ATRNL1: variants seen among roughly 807,000 people sequenced by gnomAD.
ATRNL1 encodes the protein attractin like 1, also known as attractin-like protein 1.
A neutral mutation model predicts 182.7 loss-of-function variants in ATRNL1; 95 were observed. The observed-to-expected ratio is 0.52, with a 90% CI of 0.44 to 0.62. The LOEUF (loss-of-function observed/expected upper bound fraction) is 0.62, where lower values mean the gene tolerates loss of function less well. Ranked by LOEUF, ATRNL1 falls within the 20% of genes least tolerant of loss-of-function variation. ATRNL1 has a pLI of 0.00. For missense variants in ATRNL1, 1,471 were observed against 1,679.5 expected, an observed-to-expected ratio of 0.88 and a Z score of 2.17; for synonymous variants, 576 against 568.3, an observed-to-expected ratio of 1.01 and a Z score of -0.19.
At chr10:115,418,849 G>C (rs1554961360) in intron 20 of ATRNL1, among the ~76,000 whole-genome samples, 1 of 152,076 alleles carries the variant, frequency 6.6e-6, no homozygotes, top group Non-Finnish European at 1.5e-5. Context: ...AGGCAGAAAA[G>C]GTGTATTTTA....
intron 24 of ATRNL1, among the ~76,000 whole-genome samples, chr10:115,471,552 T>A (rs1372255566): frequency 2.0e-5 from 3 of 151,082 alleles, no homozygotes; most frequent in African/African-American, 7.3e-5. Flanking sequence ...AGCTATGAGG[T>A]GATATCTTAT....
intron 26 of ATRNL1, among the ~76,000 whole-genome samples, chr10:115,608,562 G>A (rs1360068438): frequency 6.6e-6 from 1 of 152,012 alleles, no homozygotes; most frequent in African/African-American, 2.4e-5. Context: ...CTAAAAGTAT[G>A]CATTCATAGT....
intron 27 of ATRNL1, among the ~76,000 whole-genome samples, chr10:115,757,835 A>G (rs141007272): frequency 9.2e-4 from 140 of 151,716 alleles, no homozygotes; most frequent in Non-Finnish European, 1.5e-3. Flanking sequence ...ATAGTCCCAT[A>G]TTTCTTGGAG....
chr10:115,852,307 G>A (rs1251397171), intron 28 of ATRNL1, among the ~76,000 whole-genome samples: 1 of 152,074 alleles, frequency 6.6e-6, no homozygotes, highest in Non-Finnish European at 1.5e-5. Flanking sequence ...TTAGAAGTTT[G>A]GGCAGAATGA....
At chr10:115,445,552 T>G (rs1477534693) in intron 21 of ATRNL1, among the ~76,000 whole-genome samples, 1 of 140,696 alleles carries the variant, frequency 7.1e-6, no homozygotes, top group East Asian at 2.2e-4. Context: ...TGTGTGTGTG[T>G]ACACTTACCT....
Position 115,530,208 on chromosome 10 carries a change from A to T in ATRNL1, c.3716+10884A>T, listed in dbSNP as rs144671765. On this transcript the variant is annotated intron_variant, in intron 25 of 28. Transcript: ENST00000355044. ...CATTTGTGTGTAAGTTTTTATGTGGATATATATTTTCATTTCTCTTAAGTA... is the reference window on the plus strand; with the variant it reads ...CATTTGTGTGTAAGTTTTTATGTGGTTATATATTTTCATTTCTCTTAAGTA... 4.7e-3 allele frequency among the ~76,000 whole-genome samples: 714 copies of T among 152,216 alleles called. 6 individuals carry two copies. Among genetic ancestry groups the T allele is most frequent in the African/African-American group, 0.015 (637 of 41,534 alleles).
At chr10:115,721,795 TATTTTAATC>T (rs1345038253) in intron 26 of ATRNL1, among the ~76,000 whole-genome samples, 3 of 152,322 alleles carry the variant, frequency 2.0e-5, no homozygotes, top group African/African-American at 7.2e-5. Flanking sequence ...TTGAAATCTA[TATTTTAATC>T]AAAGATCCAG....
chr10:115,259,380 T>TGCTA (rs58968661), intron 10 of ATRNL1, among the ~76,000 whole-genome samples: 8,274 of 152,198 alleles, frequency 0.054, 758 homozygotes, highest in African/African-American at 0.19. Flanking sequence ...CAGACTGCCG[T>TGCTA]GCTAGCAGTG....
chr10:115,140,501 A>C (rs1438505489), intron 5 of ATRNL1, among the ~76,000 whole-genome samples: 4 of 152,312 alleles, frequency 2.6e-5, no homozygotes, highest in East Asian at 3.9e-4. Context: ...TTCAGCATAC[A>C]ATTTTTTCTT....
intron 27 of ATRNL1, among the ~76,000 whole-genome samples, chr10:115,798,391 C>G (rs1375412656): frequency 1.3e-5 from 2 of 152,176 alleles, no homozygotes; most frequent in African/African-American, 2.4e-5. Context: ...TCTCTGCTCC[C>G]CATACCACTG....
At position 115,587,247 on chromosome 10, in the gene ATRNL1, A is replaced by G. The variant is rs1018465021; in HGVS notation, c.3795+37711A>G. 5.9e-5 allele frequency among the ~76,000 whole-genome samples: 9 copies of G among 152,180 alleles called. No homozygotes were observed. The South Asian group carries it at 6.2e-4, about 11-fold the overall frequency. ...GCCCCCAGAGGTGGAGCCTACAGAG[A>G]CAGGCAGCCCTCCTTGAGCTGTGGT... On this transcript the variant is annotated intron_variant, in intron 26 of 28. Coordinates refer to ENST00000355044, the MANE Select transcript of ATRNL1 (RefSeq NM_207303.4).
intron 26 of ATRNL1, among the ~76,000 whole-genome samples, chr10:115,581,055 G>GT (rs1278478090): frequency 6.6e-6 from 1 of 151,946 alleles, no homozygotes; most frequent in African/African-American, 2.4e-5. Context: ...ATTTATCTTG[G>GT]TTTTTTATTC....
At chr10:115,613,494 G>A (rs1288806072) in intron 26 of ATRNL1, among the ~76,000 whole-genome samples, 1 of 151,984 alleles carries the variant, frequency 6.6e-6, no homozygotes, top group Non-Finnish European at 1.5e-5. Context: ...TTCTTATTTT[G>A]TTGTATTCTT....
At chr10:115,728,723 A>AT in intron 27 of ATRNL1, among the ~76,000 whole-genome samples, 1 of 152,196 alleles carries the variant, frequency 6.6e-6, no homozygotes, top group Non-Finnish European at 1.5e-5. Context: ...TTTCCCTATG[A>AT]TTTTTAAGAC....
chr10:115,093,450 A>T lies in ATRNL1; in HGVS notation c.-301A>T. On this transcript the variant is annotated 5_prime_UTR_variant, in exon 1 of 29. Coordinates refer to ENST00000355044, the MANE Select transcript of ATRNL1 (RefSeq NM_207303.4). This position sits in a 1 kb window ranked among gnomAD's most constrained non-coding sequence, Gnocchi z 6.1. ...AGGTCCCCTCAGGAGCGCCGGGCGC[A>T]GTCTGCGCCTCCCGCTCCCCGCCTC... 5.9e-6 allele frequency: 3 copies of T among 510,156 alleles called. No homozygotes were observed. The highest frequency in any genetic ancestry group is 1.1e-5 in the Non-Finnish European group (3 of 281,316). The allele number at this position is 510,156 out of a possible 1,614,324, so 31.6% of individuals were successfully genotyped here. A position where few individuals can be genotyped will look rare whatever the true frequency, so the allele number is the denominator to read the frequency against.
intron 26 of ATRNL1, among the ~76,000 whole-genome samples, chr10:115,581,724 T>G (rs1855096537): frequency 1.3e-5 from 2 of 149,536 alleles, no homozygotes; most frequent in South Asian, 4.4e-4. Context: ...GGAAGATATG[T>G]AAAGAAACCA....
intron 25 of ATRNL1, among the ~76,000 whole-genome samples, chr10:115,542,453 A>G (rs1852413730): frequency 6.6e-6 from 1 of 152,126 alleles, no homozygotes; most frequent in Non-Finnish European, 1.5e-5. Flanking sequence ...TGATTGTGCC[A>G]ATGCCATTTA....
intron 17 of ATRNL1, among the ~76,000 whole-genome samples, chr10:115,309,894 A>G (rs1168839315): frequency 5.9e-5 from 9 of 152,258 alleles, no homozygotes; most frequent in African/African-American, 2.2e-4. Context: ...TATATTAAAT[A>G]GAAGTGACGA....
intron 26 of ATRNL1, among the ~76,000 whole-genome samples, chr10:115,587,109 G>C (rs181612971): frequency 6.7e-6 from 1 of 148,360 alleles, no homozygotes; most frequent in Admixed American, 6.8e-5. Flanking sequence ...CAGTCTGCCC[G>C]TTCTCAGATC....
Sources: gnomAD v4.1 joint callset for allele counts (sites outside exome capture counted in the v4.1 genomes callset) on GRCh38, gnomAD v4.1.1 for gene constraint, Gnocchi (gnomAD v3.1) non-coding constraint, MANE v1.5 for transcripts, NCBI Gene and HGNC (gene_info 2026-07-23, HGNC 2026-07-21) for gene names.